The following CACNA1C variants were observed in gnomAD, a reference collection of about 807,000 sequenced individuals.
CACNA1C encodes the protein calcium voltage-gated channel subunit alpha1 C.
CACNA1C carries 30 observed loss-of-function variants against 229.0 expected under a neutral mutation model. That is an observed-to-expected ratio of 0.13 (90% CI 0.10 to 0.18). CACNA1C has a LOEUF of 0.18. Ranked by LOEUF, CACNA1C falls within the 10% of genes least tolerant of loss-of-function variation. The pLI is 1.00. For missense variants in CACNA1C, 1,658 were observed against 2,845.0 expected, an observed-to-expected ratio of 0.58 and a Z score of 9.49; for synonymous variants, 1,114 against 1,132.5, an observed-to-expected ratio of 0.98 and a Z score of 0.33.
At chr12:2,277,224 G>A (rs1217944023) in intron 3 of CACNA1C, among the ~76,000 whole-genome samples, 2 of 152,188 alleles carry the variant, frequency 1.3e-5, no homozygotes, top group African/African-American at 2.4e-5. Flanking sequence ...CAGGGGCCCC[G>A]TGAGCCATTA....
At chr12:2,209,798 G>GT (rs1298948322) in intron 3 of CACNA1C, among the ~76,000 whole-genome samples, 1 of 152,114 alleles carries the variant, frequency 6.6e-6, no homozygotes, top group African/African-American at 2.4e-5. Flanking sequence ...TAATTGCTTT[G>GT]TTTCCTCAAG....
rs1361265122 is a variant in CACNA1C, at chr12:2,215,567, C to G, written c.477+95137C>G. Among the ~76,000 whole-genome samples the G allele has an allele frequency of 6.6e-6, 1 of 152,214 alleles. No homozygotes were observed. Among genetic ancestry groups the G allele is most frequent in the African/African-American group, 2.4e-5 (1 of 41,462 alleles). ...GTCCCTGTCCCCCACACCGTTAACACTTTTACATCAGCATTGCACATGGAC... is the reference window on the plus strand; with the variant it reads ...GTCCCTGTCCCCCACACCGTTAACAGTTTTACATCAGCATTGCACATGGAC... On this transcript the variant is annotated intron_variant, in intron 3 of 46. Coordinates refer to ENST00000399655, the MANE Select transcript of CACNA1C (RefSeq NM_000719.7). This position sits in a 1 kb window ranked among gnomAD's most constrained non-coding sequence, Gnocchi z 5.0.
chr12:2,388,788 G>A (rs547704286), intron 3 of CACNA1C, among the ~76,000 whole-genome samples: 1 of 152,308 alleles, frequency 6.6e-6, no homozygotes, highest in East Asian at 1.9e-4. Context: ...TGGGCTTGTG[G>A]AGTTGGCAGT....
chr12:2,266,861 A>G (rs77205646), intron 3 of CACNA1C, among the ~76,000 whole-genome samples: 8,712 of 152,256 alleles, frequency 0.057, 324 homozygotes, highest in African/African-American at 0.093. Context: ...TGTGCTGCCT[A>G]GGGAAATGTA....
chr12:2,365,063 A>G (rs1024508729), intron 3 of CACNA1C, among the ~76,000 whole-genome samples: 2 of 152,264 alleles, frequency 1.3e-5, no homozygotes, highest in Non-Finnish European at 2.9e-5. Context: ...TTTACAAAGC[A>G]TTCCAGTCTT....
rs79293558 is a variant in CACNA1C, at chr12:2,653,150, G to A, written c.4075-685G>A. 0.016 allele frequency among the ~76,000 whole-genome samples: 2,439 copies of A among 152,350 alleles called. 40 individuals are homozygous for A. Among genetic ancestry groups the A allele is most frequent in the Non-Finnish European group, 0.025 (1,688 of 68,030 alleles). On this transcript the variant is annotated intron_variant, in intron 32 of 46. Transcript: ENST00000399655. The surrounding 1 kb of genome is among the most constrained non-coding windows in gnomAD (Gnocchi z 4.7). The stretch of plus-strand genomic sequence containing the variant: ...TTGCCAGGCAGATAATGCATGGAGC[G>A]AATAGAGCGTATGGAACCCAGCTCT...
chr12:2,301,310 C>T (rs1330790475), intron 3 of CACNA1C, among the ~76,000 whole-genome samples: 2 of 152,166 alleles, frequency 1.3e-5, no homozygotes, highest in Non-Finnish European at 2.9e-5. Flanking sequence ...GTCTTAAAAA[C>T]CTTCTGATCC....
At chr12:2,423,821 C>T (rs1188684480) in intron 3 of CACNA1C, among the ~76,000 whole-genome samples, 2 of 152,118 alleles carry the variant, frequency 1.3e-5, no homozygotes, top group Non-Finnish European at 2.9e-5. Context: ...AGATGTTTTC[C>T]CCATCTAGCC....
intron 8 of CACNA1C, among the ~76,000 whole-genome samples, chr12:2,509,737 A>G (rs908869030): frequency 6.6e-6 from 1 of 152,164 alleles, no homozygotes; most frequent in Non-Finnish European, 1.5e-5. Context: ...ATGAGAAAAC[A>G]TGGCACTAAG....
intron 29 of CACNA1C, among the ~76,000 whole-genome samples, chr12:2,629,874 C>T (rs758711560): frequency 6.6e-6 from 1 of 152,234 alleles, no homozygotes; most frequent in Non-Finnish European, 1.5e-5. Context: ...TCTCAGCCCA[C>T]CCCTATCAGT....
chr12:2,053,908 C>A lies in CACNA1C; in HGVS notation c.49+297C>A, dbSNP rs1176478628. 2.0e-5 allele frequency among the ~76,000 whole-genome samples: 3 copies of A among 150,480 alleles called. No individual in the cohort carries two copies. Among genetic ancestry groups the A allele is most frequent in the African/African-American group, 4.8e-5 (2 of 41,270 alleles). On this transcript the variant is annotated intron_variant, in intron 1 of 46. Transcript: ENST00000399655. This position sits in a 1 kb window ranked among gnomAD's most constrained non-coding sequence, Gnocchi z 5.8. ...GGGGGAAAAGTTCCCCAAGTGGCTG[C>A]CGCCGCCTCGCTTTCTCGCGTCCGC...
Position 2,349,367 on chromosome 12 carries a change from G to T in CACNA1C, c.478-99609G>T, listed in dbSNP as rs184218952. Among the ~76,000 whole-genome samples, 21 of 152,294 alleles carry T rather than the reference G, an allele frequency of 1.4e-4. 1 individual carries two copies. In the East Asian group the frequency reaches 2.7e-3, roughly 20 times the overall value. On this transcript the variant is annotated intron_variant, in intron 3 of 46. Transcript: ENST00000399655. ...TCTAACTGGGTATGGAATTTCAACA[G>T]ACTCGCAGGGAGATTCTCTAGTACT...
At chr12:2,641,292 G>A (rs1318862073) in intron 30 of CACNA1C, among the ~76,000 whole-genome samples, 1 of 152,192 alleles carries the variant, frequency 6.6e-6, no homozygotes, top group Non-Finnish European at 1.5e-5. Context: ...AAAGGCCAGA[G>A]GCAGGAAACA....
intron 3 of CACNA1C, among the ~76,000 whole-genome samples, chr12:2,419,944 C>A (rs2098958482): frequency 6.6e-6 from 1 of 152,150 alleles, no homozygotes; most frequent in Non-Finnish European, 1.5e-5. Flanking sequence ...CACACCATCT[C>A]TGTACCCGCC....
intron 31 of CACNA1C, 148 bp downstream of exon 31, chr12:2,648,655 C>T (rs2094589083): frequency 1.4e-6 from 1 of 713,258 alleles, no homozygotes; most frequent in African/African-American, 1.7e-5. Flanking sequence ...CCTTGCCTGC[C>T]TGTTCCCTTC....
chr12:1,977,265 G>A (rs1030608262), intron 1 of CACNA1C, among the ~76,000 whole-genome samples: 3 of 152,162 alleles, frequency 2.0e-5, no homozygotes, highest in South Asian at 2.1e-4. Flanking sequence ...TAGCATGCTC[G>A]GCCATGATGA....
chr12:2,424,339 G>A (rs1460225014), intron 3 of CACNA1C, among the ~76,000 whole-genome samples: 1 of 152,180 alleles, frequency 6.6e-6, no homozygotes, highest in African/African-American at 2.4e-5. Flanking sequence ...AAAGCAAGCG[G>A]GGAGAGGAAA....
At chr12:2,538,451 T>C (rs2099861063) in intron 9 of CACNA1C, among the ~76,000 whole-genome samples, 1 of 152,026 alleles carries the variant, frequency 6.6e-6, no homozygotes, top group African/African-American at 2.4e-5. Context: ...TCTTTTTCTC[T>C]TCTCTTTTTC....
intron 3 of CACNA1C, among the ~76,000 whole-genome samples, chr12:2,293,080 A>G (rs1024582): frequency 0.75 from 113,772 of 152,060 alleles, 43,595 homozygotes; most frequent in East Asian, 0.96. Flanking sequence ...GTTCACGGGG[A>G]ATCTTGTAAA....
Sources: gnomAD v4.1 joint callset for allele counts (sites outside exome capture counted in the v4.1 genomes callset) on GRCh38, gnomAD v4.1.1 for gene constraint, Gnocchi (gnomAD v3.1) non-coding constraint, MANE v1.5 for transcripts, NCBI Gene and HGNC (gene_info 2026-07-23, HGNC 2026-07-21) for gene names.